Variants in CHD7 observed in about 807,000 individuals in gnomAD.
CHD7 encodes chromodomain helicase DNA binding protein 7, also known as ATP-dependent chromatin remodeler CHD7.
Under a neutral mutation model 307.3 loss-of-function variants are expected in CHD7, and 24 were observed. That is an observed-to-expected ratio of 0.08 (90% CI 0.06 to 0.11). The LOEUF (loss-of-function observed/expected upper bound fraction) is 0.11, where lower values mean the gene tolerates loss of function less well. Among genes scored for constraint, CHD7 ranks in the 10% least tolerant of loss-of-function variants. The pLI is 1.00. For missense variants in CHD7, 3,106 were observed against 3,727.1 expected (o/e 0.83, Z 4.34); for synonymous variants, 1,363 against 1,349.9 (o/e 1.01, Z -0.21).
At chr8:60,724,958 T>C (rs967855182) in intron 1 of CHD7, among the ~76,000 whole-genome samples, 26 of 152,212 alleles carry the variant, frequency 1.7e-4, no homozygotes, top group African/African-American at 5.1e-4. Context: ...AAATCTGGCA[T>C]TGAGGTGTTT....
rs531223140 is a variant in CHD7, at chr8:60,856,147, G to T, written c.7109G>T (p.Gly2370Val). Residue 2370 changes from glycine to valine, a missense_variant, in exon 33 of 38, where the codon GGC becomes GTC. Physicochemically the swap from Gly to Val is moderately radical, Grantham distance 109. Transcript: ENST00000423902. The part of the protein sequence containing the change: ...KRSFAELSMV[G>V]QASISGSEDI... Reference sequence around the variant, plus strand: ...AGCTTTGCTGAGCTCTCCATGGTCGGCCAAGCCAGCATTAGTGGGAGTGAG... The same window carrying T: ...AGCTTTGCTGAGCTCTCCATGGTCGTCCAAGCCAGCATTAGTGGGAGTGAG... The T allele has an allele frequency of 6.2e-7, 1 of 1,606,644 alleles. No homozygotes were observed.
At chr8:60,770,911 G>T (rs1441315579) in intron 2 of CHD7, among the ~76,000 whole-genome samples, 1 of 152,184 alleles carries the variant, frequency 6.6e-6, no homozygotes, top group African/African-American at 2.4e-5. Context: ...CAACGATTAG[G>T]TAGTAGGCAT....
chr8:60,742,335 T>C lies in CHD7; in HGVS notation c.903T>C (p.Ser301=). ...NFSSRSQTVP[S]PTINNSGQYS... ...GTTCTCGGAGCCAGACAGTCCCCTC[T>C]CCTACTATAAACAACTCAGGGCAGT... Residue 301 remains serine, a synonymous_variant, in exon 2 of 38, where the codon TCT becomes TCC. Transcript: ENST00000423902. 2 of 1,613,926 alleles carry C rather than the reference T, an allele frequency of 1.2e-6. No individual in the cohort carries two copies. Among genetic ancestry groups the C allele is most frequent in the Non-Finnish European group, 1.7e-6 (2 of 1,179,892 alleles).
chr8:60,766,296 G>A (rs1214454199), intron 2 of CHD7, among the ~76,000 whole-genome samples: 1 of 152,218 alleles, frequency 6.6e-6, no homozygotes, highest in African/African-American at 2.4e-5. Flanking sequence ...AGAGAAAGGG[G>A]GGGAATTATA....
At chr8:60,784,207 C>T (rs1563597684) in intron 3 of CHD7, among the ~76,000 whole-genome samples, 1 of 152,124 alleles carries the variant, frequency 6.6e-6, no homozygotes, top group Non-Finnish European at 1.5e-5. Flanking sequence ...GTTTGAATTG[C>T]CGTAGCAGTT....
intron 3 of CHD7, among the ~76,000 whole-genome samples, chr8:60,792,474 A>G (rs1425980267): frequency 6.6e-6 from 1 of 152,176 alleles, no homozygotes; most frequent in Non-Finnish European, 1.5e-5. Flanking sequence ...CGTTAACAAC[A>G]TGAATAGTGA....
At chr8:60,819,862 G>A (rs1282357397) in intron 8 of CHD7, 145 bp from the exon 9 acceptor site, 6 of 594,064 alleles carry the variant, frequency 1.0e-5, no homozygotes, top group Non-Finnish European at 1.8e-5. Flanking sequence ...CTAAATTGTA[G>A]CATTTCAATT....
intron 1 of CHD7, among the ~76,000 whole-genome samples, chr8:60,680,649 CTT>C (rs1376555661): frequency 4.6e-5 from 7 of 152,286 alleles, no homozygotes; most frequent in Non-Finnish European, 7.4e-5. Flanking sequence ...GGGTCGGACT[CTT>C]TTCCTGGAGG....
Position 60,781,358 on chromosome 8 carries a change from A to G in CHD7, c.2024A>G (p.Lys675Arg), listed in dbSNP as rs763438086. The change falls in exon 3 of 38, where the codon AAG becomes AGG. Residue 675 changes from lysine (K) to arginine (R), a missense_variant. By Grantham distance (26) the Lys-to-Arg change is conservative (BLOSUM62 2). This residue lies in a region of CHD7 where 998 missense variants were observed against 1,004.5 expected (regional missense o/e 0.99). Coordinates refer to ENST00000423902, the MANE Select transcript of CHD7 (RefSeq NM_017780.4). ...GAACCCAAGACCCCGAAAGCCCCTA[A>G]GATTCCCAAAGAGCCAAAGGAAAAG... Reference protein sequence around the residue: ...PKEPKTPKAPKIPKEPKEKKA... With the variant: ...PKEPKTPKAPRIPKEPKEKKA... The G allele has an allele frequency of 4.5e-6, 7 of 1,553,662 alleles. No homozygotes were observed. The highest frequency in any genetic ancestry group is 4.3e-6 in the Non-Finnish European group (5 of 1,156,648).
At chr8:60,738,470 T>C (rs1388839718) in intron 1 of CHD7, among the ~76,000 whole-genome samples, 2 of 152,272 alleles carry the variant, frequency 1.3e-5, no homozygotes, top group East Asian at 3.9e-4. Context: ...AGATATTGAG[T>C]GTAGACGAGA....
chr8:60,704,956 G>A (rs1385148660), intron 1 of CHD7, among the ~76,000 whole-genome samples: 1 of 152,078 alleles, frequency 6.6e-6, no homozygotes, highest in African/African-American at 2.4e-5. Context: ...GCCTTACTCC[G>A]GCAGCCCCTG....
At chr8:60,680,641 G>C (rs1291225676) in intron 1 of CHD7, among the ~76,000 whole-genome samples, 1 of 152,198 alleles carries the variant, frequency 6.6e-6, no homozygotes, top group Non-Finnish European at 1.5e-5. Context: ...CCTGCTATGG[G>C]TCGGACTCTT....
chr8:60,813,921 A>G (rs1201493651), intron 7 of CHD7, among the ~76,000 whole-genome samples: 1 of 152,032 alleles, frequency 6.6e-6, no homozygotes, highest in African/African-American at 2.4e-5. Context: ...AAGATTAGGT[A>G]TAAATATATA....
At chr8:60,765,898 C>G (rs944726549) in intron 2 of CHD7, among the ~76,000 whole-genome samples, 1 of 152,060 alleles carries the variant, frequency 6.6e-6, no homozygotes, top group Admixed American at 6.5e-5. Context: ...CTGATGACCA[C>G]CCAGACTTAA....
intron 33 of CHD7, 46 bp downstream of exon 33, chr8:60,856,248 A>C: frequency 6.9e-7 from 1 of 1,442,338 alleles, no homozygotes; most frequent in African/African-American, 1.4e-5. Context: ...GGAGCTCTCT[A>C]AGCCTTAACT....
chr8:60,836,865 G>A lies in CHD7; in HGVS notation c.4038G>A (p.Gln1346=), dbSNP rs1422831552. 6.2e-7 allele frequency: 1 copy of A among 1,613,866 alleles called. No individual in the cohort carries two copies. Among genetic ancestry groups the A allele is most frequent in the South Asian group, 1.1e-5 (1 of 91,056 alleles). Residue 1346 remains glutamine, a synonymous_variant, in exon 17 of 38, where the codon CAG becomes CAA. Transcript: ENST00000423902. ...IDGRVRGNLR[Q]AAIDRFSKPD... ...GCCGAGTAAGAGGCAACCTCCGCCA[G>A]GCAGCTATCGACAGATTCTCCAAAC...
chr8:60,679,429 C>T (rs1193804895), intron 1 of CHD7: 3 of 60,834 alleles, frequency 4.9e-5, no homozygotes, highest in Non-Finnish European at 9.8e-5. Context: ...TTTTGTTGTG[C>T]TGCCGGCGTG....
At chr8:60,729,986 G>A (rs992578713) in intron 1 of CHD7, among the ~76,000 whole-genome samples, 1 of 152,106 alleles carries the variant, frequency 6.6e-6, no homozygotes, top group Non-Finnish European at 1.5e-5. Context: ...AATTAGAATT[G>A]GTTAGTCAAA....
chr8:60,710,820 C>T (rs1807250765), intron 1 of CHD7, among the ~76,000 whole-genome samples: 1 of 151,994 alleles, frequency 6.6e-6, no homozygotes, highest in Non-Finnish European at 1.5e-5. Context: ...TAGTGTCCTG[C>T]GTAAAAAAGA....
Sources: gnomAD v4.1 joint callset for allele counts (sites outside exome capture counted in the v4.1 genomes callset) on GRCh38, gnomAD v4.1.1 for gene constraint, gnomAD v4.1.1 regional missense constraint, MANE v1.5 for transcripts, NCBI Gene and HGNC (gene_info 2026-07-23, HGNC 2026-07-21) for gene names.